Variants in THSD4 observed in about 807,000 individuals in gnomAD.
THSD4 encodes the protein thrombospondin type 1 domain containing 4.
Under a neutral mutation model 119.0 loss-of-function variants are expected in THSD4, and 69 were observed. The observed-to-expected ratio is 0.58, with a 90% CI of 0.48 to 0.71. The LOEUF is 0.71. THSD4 is among the 30% of genes least tolerant of loss of function. THSD4 has a pLI of 0.00. For missense variants in THSD4, 1,393 were observed against 1,391.1 expected (o/e 1.00, Z -0.02); for synonymous variants, 524 against 540.4 (o/e 0.97, Z 0.42).
At chr15:71,461,996 A>T (rs576420008) in intron 7 of THSD4, among the ~76,000 whole-genome samples, 1 of 152,224 alleles carries the variant, frequency 6.6e-6, no homozygotes, top group South Asian at 2.1e-4. Context: ...AACTCCCATG[A>T]GTTGGAAGCT....
At chr15:71,154,763 T>TCC in intron 2 of THSD4, 100 bp from the exon 3 acceptor site, 2 of 1,217,470 alleles carry the variant, frequency 1.6e-6, no homozygotes, top group African/African-American at 3.0e-5. Context: ...GTTGGGCTGT[T>TCC]CCCCCCCCAT....
intron 7 of THSD4, among the ~76,000 whole-genome samples, chr15:71,648,279 A>T (rs8026249): frequency 1.8e-4 from 27 of 151,960 alleles, no homozygotes; most frequent in African/African-American, 6.3e-4. Flanking sequence ...CAGCTGTCAC[A>T]TATATCCATG....
intron 7 of THSD4, among the ~76,000 whole-genome samples, chr15:71,441,473 C>A (rs1026960581): frequency 2.0e-4 from 19 of 94,238 alleles, no homozygotes; most frequent in Non-Finnish European, 4.1e-4. Flanking sequence ...CAAAATCTGC[C>A]CCCTGGGGTT....
chr15:71,321,403 G>A (rs1205155688), intron 6 of THSD4, among the ~76,000 whole-genome samples: 2 of 152,176 alleles, frequency 1.3e-5, no homozygotes, highest in East Asian at 3.9e-4. Context: ...GAGCATGGTG[G>A]CAGGCGCCTG....
chr15:71,267,365 C>T (rs1485459357), intron 6 of THSD4, among the ~76,000 whole-genome samples: 1 of 151,884 alleles, frequency 6.6e-6, no homozygotes, highest in Admixed American at 6.6e-5. Flanking sequence ...CCAAACTAAG[C>T]TTCATAAGTG....
At chr15:71,189,331 C>G (rs2043646318) in intron 3 of THSD4, among the ~76,000 whole-genome samples, 1 of 152,188 alleles carries the variant, frequency 6.6e-6, no homozygotes, top group Admixed American at 6.5e-5. Context: ...CAGTGGTATT[C>G]AAGCCTGACT....
At chr15:71,287,430 G>A (rs1296794923) in intron 6 of THSD4, among the ~76,000 whole-genome samples, 1 of 152,084 alleles carries the variant, frequency 6.6e-6, no homozygotes, top group Non-Finnish European at 1.5e-5. Context: ...TCTGTAATAA[G>A]CATTATGGAA....
At chr15:71,155,643 A>T (rs1158654202) in intron 3 of THSD4, among the ~76,000 whole-genome samples, 1 of 152,170 alleles carries the variant, frequency 6.6e-6, no homozygotes, top group Non-Finnish European at 1.5e-5. Flanking sequence ...GGAATGGAGG[A>T]GACCAGTATG....
intron 7 of THSD4, among the ~76,000 whole-genome samples, chr15:71,445,570 A>G (rs542539778): frequency 1.4e-4 from 21 of 152,278 alleles, no homozygotes; most frequent in Middle Eastern, 3.4e-3. Context: ...GATGTGTCAC[A>G]TTTACAGAAG....
At chr15:71,228,320 C>T (rs1028801459) in intron 4 of THSD4, among the ~76,000 whole-genome samples, 8 of 152,176 alleles carry the variant, frequency 5.3e-5, no homozygotes, top group East Asian at 1.9e-4. Context: ...GGCATGCTGG[C>T]GGCCGCCAGA....
intron 16 of THSD4, 82 bp downstream of exon 16, chr15:71,765,281 A>G: frequency 6.8e-7 from 1 of 1,475,010 alleles, no homozygotes; most frequent in South Asian, 1.4e-5. Context: ...TGGGCCAGGC[A>G]CTGGGTTCAG....
chr15:71,548,799 C>G (rs574659509), intron 7 of THSD4, among the ~76,000 whole-genome samples: 20 of 152,334 alleles, frequency 1.3e-4, no homozygotes, highest in Admixed American at 7.8e-4. Context: ...TGGCCTCACT[C>G]AGCCTGGAGC....
intron 7 of THSD4, among the ~76,000 whole-genome samples, chr15:71,599,158 G>C (rs12594563): frequency 0.18 from 27,592 of 152,080 alleles, 3,125 homozygotes; most frequent in East Asian, 0.49. Context: ...TTCTGTCTCC[G>C]AAGCTAAATT....
intron 7 of THSD4, among the ~76,000 whole-genome samples, chr15:71,524,928 A>G (rs1306610991): frequency 1.3e-5 from 2 of 150,902 alleles, no homozygotes; most frequent in Non-Finnish European, 3.0e-5. Flanking sequence ...TTTATACTTC[A>G]AAGAACTTCC....
chr15:71,340,088 G>C (rs2045545109), intron 6 of THSD4, among the ~76,000 whole-genome samples: 3 of 152,120 alleles, frequency 2.0e-5, no homozygotes. Context: ...TCTTGATGTT[G>C]ATCCGAATTT....
chr15:71,326,769 A>T (rs1402035613), intron 6 of THSD4, among the ~76,000 whole-genome samples: 3 of 128,918 alleles, frequency 2.3e-5, no homozygotes, highest in Non-Finnish European at 4.8e-5. Context: ...CAGTTACTCA[A>T]GAGGCTGAAG....
At chr15:71,760,270 T>C (rs2053608126) in intron 15 of THSD4, among the ~76,000 whole-genome samples, 1 of 152,168 alleles carries the variant, frequency 6.6e-6, no homozygotes, top group African/African-American at 2.4e-5. Flanking sequence ...TAAGAGGTTG[T>C]GAGCTCAAGG....
At chr15:71,739,778 T>A (rs1359164714) in intron 11 of THSD4, among the ~76,000 whole-genome samples, 1 of 149,054 alleles carries the variant, frequency 6.7e-6, no homozygotes, top group African/African-American at 2.5e-5. Flanking sequence ...CTGTGTGATG[T>A]CCCAGAGCAT....
intron 6 of THSD4, chr15:71,341,212 C>G: frequency 6.4e-7 from 1 of 1,573,266 alleles, no homozygotes; most frequent in South Asian, 1.1e-5. Context: ...ATATCTTTTT[C>G]TTCTGGGCAA....
Sources: gnomAD v4.1 joint callset for allele counts (sites outside exome capture counted in the v4.1 genomes callset) on GRCh38, gnomAD v4.1.1 for gene constraint, MANE v1.5 for transcripts, NCBI Gene and HGNC (gene_info 2026-07-23, HGNC 2026-07-21) for gene names.